Variants in SHROOM3 observed in about 807,000 individuals in gnomAD.
The protein encoded by SHROOM3 is protein Shroom3.
Under a neutral mutation model 138.6 loss-of-function variants are expected in SHROOM3, and 47 were observed. The ratio of observed to expected loss-of-function variants is 0.34; its 90% confidence interval spans 0.27 to 0.43. The LOEUF (loss-of-function observed/expected upper bound fraction) is 0.43, where lower values mean the gene tolerates loss of function less well. Ranked by LOEUF, SHROOM3 falls within the 20% of genes least tolerant of loss-of-function variation. SHROOM3 has a pLI of 1.00. For missense variants in SHROOM3, 2,491 were observed against 2,596.5 expected, an observed-to-expected ratio of 0.96 and a Z score of 0.88; for synonymous variants, 1,062 against 1,063.3, an observed-to-expected ratio of 1.00 and a Z score of 0.02.
intron 2 of SHROOM3, among the ~76,000 whole-genome samples, chr4:76,652,824 C>T (rs1462612957): frequency 3.3e-5 from 5 of 151,676 alleles, no homozygotes; most frequent in African/African-American, 9.7e-5. Flanking sequence ...TATACATATA[C>T]ACACACATAT....
chr4:76,460,827 C>CGAAAAAAAAAAAAAA (rs1731125350), intron 1 of SHROOM3, among the ~76,000 whole-genome samples: 1 of 78,770 alleles, frequency 1.3e-5, no homozygotes, highest in Admixed American at 1.9e-4. Context: ...CCCGTATCTA[C>CGAAAAAAAAAAAAAA]AAAAAAAAAA....
intron 10 of SHROOM3, among the ~76,000 whole-genome samples, chr4:76,775,004 T>TATATA (rs1722501323): frequency 6.6e-6 from 1 of 152,120 alleles, no homozygotes; most frequent in Admixed American, 6.5e-5. Flanking sequence ...TGGTGTTTTG[T>TATATA]TACATTGATA....
intron 2 of SHROOM3, among the ~76,000 whole-genome samples, chr4:76,581,795 C>A (rs777162475): frequency 6.6e-6 from 1 of 152,174 alleles, no homozygotes; most frequent in Non-Finnish European, 1.5e-5. Context: ...CAACCTGAAA[C>A]CTATATGTGG....
chr4:76,563,693 G>C (rs539171885), intron 2 of SHROOM3, among the ~76,000 whole-genome samples: 2 of 152,310 alleles, frequency 1.3e-5, no homozygotes, highest in African/African-American at 4.8e-5. Flanking sequence ...CAGGCAGTGG[G>C]AGGTGAGGAC....
chr4:76,648,496 A>G (rs536831395), intron 2 of SHROOM3, among the ~76,000 whole-genome samples: 2 of 108,508 alleles, frequency 1.8e-5, no homozygotes, highest in Admixed American at 1.9e-4. Flanking sequence ...CTAGGCTGTT[A>G]AAGACCTGCA....
chr4:76,770,838 T>C lies in SHROOM3; in HGVS notation c.5562T>C (p.Arg1854=). Residue 1854 remains arginine (R), a synonymous_variant, in exon 10 of 11, where the codon CGT becomes CGC. Coordinates refer to ENST00000296043, the MANE Select transcript of SHROOM3 (RefSeq NM_020859.4). ...ACCTGCTGCTCTCCCTCTCGGGGCG[T>C]CTAGCCCGTGTTGAGAATGTCCTTA... ...VVNLLLSLSG[R]LARVENVLSG... is the part of the protein sequence containing the mutation. 6.2e-7 allele frequency: 1 copy of C among 1,614,172 alleles called. No homozygotes were observed. The highest frequency in any genetic ancestry group is 2.2e-5 in the East Asian group (1 of 44,880).
At chr4:76,500,902 G>T (rs1732078373) in intron 1 of SHROOM3, among the ~76,000 whole-genome samples, 1 of 151,934 alleles carries the variant, frequency 6.6e-6, no homozygotes, top group African/African-American at 2.4e-5. Context: ...AAACTCCTTG[G>T]CTCAAGAGAT....
At chr4:76,770,106 T>A (rs1722299870) in intron 9 of SHROOM3, among the ~76,000 whole-genome samples, 1 of 152,064 alleles carries the variant, frequency 6.6e-6, no homozygotes, top group Non-Finnish European at 1.5e-5. Context: ...GTGGATCACT[T>A]GAGGTTAGGA....
chr4:76,783,237 A>T lies in SHROOM3; in HGVS notation c.*4060A>T, dbSNP rs1722777590. On this transcript the variant is annotated 3_prime_UTR_variant, in exon 11 of 11. Coordinates refer to ENST00000296043, the MANE Select transcript of SHROOM3 (RefSeq NM_020859.4). ...TGAAGTTAAATTTAAAAATAAAAAT[A>T]ACCTCAGAAGTTGAAAGTCCTGTCA... is the stretch of plus-strand genomic sequence containing the variant. 1 of 152,250 alleles carries T rather than the reference A, an allele frequency of 6.6e-6. No individual in the cohort carries two copies. Among genetic ancestry groups the T allele is most frequent in the African/African-American group, 2.4e-5 (1 of 41,462 alleles). 9.4% of individuals were successfully genotyped at this position (152,250 alleles called of 1,614,324 possible). A position where few individuals can be genotyped will look rare whatever the true frequency, so the allele number is the denominator to read the frequency against.
Position 76,709,777 on chromosome 4 carries a change from G to T in SHROOM3, c.324-379G>T, listed in dbSNP as rs534431808. 5.7e-4 allele frequency: 161 copies of T among 283,646 alleles called. 1 individual carries two copies. Among genetic ancestry groups the T allele is most frequent in the Middle Eastern group, 3.9e-3 (3 of 770 alleles). The allele number at this position is 283,646 out of a possible 1,614,324, so 17.6% of individuals were successfully genotyped here. A position where few individuals can be genotyped will look rare whatever the true frequency, so the allele number is the denominator to read the frequency against. On this transcript the variant is annotated intron_variant, in intron 2 of 10. Coordinates refer to ENST00000296043, the MANE Select transcript of SHROOM3 (RefSeq NM_020859.4). ...CAGAGGCTTGGTTTCAAACCACCTC[G>T]TTTGACAGTTTGCTTCAGTGAATCC...
chr4:76,596,626 T>A (rs376660117), intron 2 of SHROOM3, among the ~76,000 whole-genome samples: 20 of 106,568 alleles, frequency 1.9e-4, no homozygotes, highest in South Asian at 6.6e-4. Flanking sequence ...ACACACACAC[T>A]CTCCAACAGA....
At chr4:76,483,119 G>T (rs1035708625) in intron 1 of SHROOM3, among the ~76,000 whole-genome samples, 1 of 152,064 alleles carries the variant, frequency 6.6e-6, no homozygotes, top group Non-Finnish European at 1.5e-5. Context: ...AACACCAAAA[G>T]CAATGGCAAC....
intron 2 of SHROOM3, among the ~76,000 whole-genome samples, chr4:76,660,785 A>AT (rs953968988): frequency 2.7e-5 from 4 of 147,874 alleles, no homozygotes; most frequent in Non-Finnish European, 4.5e-5. Context: ...CTGATGAATC[A>AT]TTTTTTTTCA....
chr4:76,488,553 T>A (rs1052381974), intron 1 of SHROOM3, among the ~76,000 whole-genome samples: 24 of 152,232 alleles, frequency 1.6e-4, no homozygotes, highest in African/African-American at 5.1e-4. Flanking sequence ...TTCTTGAGAA[T>A]GTGATAAAGC....
At chr4:76,723,811 G>A (rs534877440) in intron 3 of SHROOM3, among the ~76,000 whole-genome samples, 17 of 152,238 alleles carry the variant, frequency 1.1e-4, no homozygotes, top group Middle Eastern at 3.4e-3. Context: ...GAAAATACTC[G>A]TCAAGTGCCT....
At chr4:76,488,198 CACTA>C (rs1457369057) in intron 1 of SHROOM3, among the ~76,000 whole-genome samples, 6 of 151,984 alleles carry the variant, frequency 3.9e-5, no homozygotes, top group African/African-American at 1.2e-4. Flanking sequence ...AAAGGGGGTT[CACTA>C]ACAGACTAAG....
At chr4:76,515,826 T>C (rs1732433288) in intron 1 of SHROOM3, among the ~76,000 whole-genome samples, 1 of 152,208 alleles carries the variant, frequency 6.6e-6, no homozygotes, top group Non-Finnish European at 1.5e-5. Context: ...GTCTTTCTTC[T>C]AAGCTAGGAC....
At chr4:76,493,721 C>T (rs1378806634) in intron 1 of SHROOM3, among the ~76,000 whole-genome samples, 1 of 152,200 alleles carries the variant, frequency 6.6e-6, no homozygotes, top group Non-Finnish European at 1.5e-5. Flanking sequence ...TGGCTCATGC[C>T]TGTAATCCCA....
intron 2 of SHROOM3, chr4:76,629,124 A>G (rs13138726): frequency 0.37 from 55,535 of 152,102 alleles, 10,726 homozygotes; most frequent in East Asian, 0.51. Context: ...GGGATTACAG[A>G]TGTGAACCAC....
Sources: gnomAD v4.1 joint callset for allele counts (sites outside exome capture counted in the v4.1 genomes callset) on GRCh38, gnomAD v4.1.1 for gene constraint, MANE v1.5 for transcripts, NCBI Gene and HGNC (gene_info 2026-07-23, HGNC 2026-07-21) for gene names.